The following SKI variants were observed in gnomAD, a reference collection of about 807,000 sequenced individuals.
SKI encodes ski oncogene.
SKI carries 23 observed loss-of-function variants against 59.3 expected under a neutral mutation model. That is an observed-to-expected ratio of 0.39 (90% confidence interval 0.28 to 0.55). SKI has a LOEUF of 0.55. SKI is among the 20% of genes least tolerant of loss of function. The probability of loss-of-function intolerance (pLI) is 0.67; values close to 1 mark genes in which losing one functional copy is unlikely to be tolerated. For missense variants in SKI, 1,017 were observed against 1,038.9 expected (o/e 0.98, Z 0.29); for synonymous variants, 673 against 488.6 (o/e 1.38, Z -4.98).
chr1:2,230,447 C>A lies in SKI; in HGVS notation c.969+712C>A, dbSNP rs1284691220. Among the ~76,000 whole-genome samples the A allele has an allele frequency of 4.6e-5, 7 of 152,322 alleles. No homozygotes were observed. The East Asian group carries it at 1.4e-3, about 29-fold the overall frequency. ...TGTGGGGTGAGGGCCATTTGGCACCCGGCTGAGGGGCCTGGTCAGCAGGCT... is the reference window on the plus strand; with the variant it reads ...TGTGGGGTGAGGGCCATTTGGCACCAGGCTGAGGGGCCTGGTCAGCAGGCT... On this transcript the variant is annotated intron_variant, in intron 1 of 6. Coordinates refer to ENST00000378536, the MANE Select transcript of SKI (RefSeq NM_003036.4).
chr1:2,234,687 G>C lies in SKI; in HGVS notation c.969+4952G>C, dbSNP rs1209479912. 2.0e-5 allele frequency among the ~76,000 whole-genome samples: 3 copies of C among 152,340 alleles called. No individual in the cohort carries two copies. In the East Asian group the frequency reaches 5.8e-4, roughly 29 times the overall value. Reference sequence around the variant, plus strand: ...CCACGCCGGCGGCCCGGCTCTCTGTGGCAATAATGTGTCTCTTTCTAAGGA... The same window carrying C: ...CCACGCCGGCGGCCCGGCTCTCTGTCGCAATAATGTGTCTCTTTCTAAGGA... On this transcript the variant is annotated intron_variant, in intron 1 of 6. Transcript: ENST00000378536.
intron 1 of SKI, among the ~76,000 whole-genome samples, chr1:2,260,362 G>C (rs1390785427): frequency 6.6e-6 from 1 of 152,058 alleles, no homozygotes; most frequent in Non-Finnish European, 1.5e-5. Context: ...TGGGTTTGTT[G>C]TTTTACTGTT....
At chr1:2,264,191 T>TG (rs1432805704) in intron 1 of SKI, among the ~76,000 whole-genome samples, 1 of 152,240 alleles carries the variant, frequency 6.6e-6, no homozygotes, top group Non-Finnish European at 1.5e-5. Context: ...TTTCTCCCTT[T>TG]GTTTCTGAAA....
intron 1 of SKI, among the ~76,000 whole-genome samples, chr1:2,275,736 T>A (rs1639727946): frequency 1.3e-5 from 2 of 152,282 alleles, no homozygotes; most frequent in South Asian, 4.1e-4. Context: ...ATGCTCTCGA[T>A]CTCCTGACCT....
intron 1 of SKI, among the ~76,000 whole-genome samples, chr1:2,260,444 C>T (rs1639360112): frequency 6.6e-6 from 1 of 151,858 alleles, no homozygotes; most frequent in African/African-American, 2.4e-5. Context: ...GACTTTGTCC[C>T]TGTCCATGGC....
intron 1 of SKI, among the ~76,000 whole-genome samples, chr1:2,278,965 G>A (rs1569796100): frequency 6.6e-6 from 1 of 152,294 alleles, no homozygotes; most frequent in East Asian, 1.9e-4. Flanking sequence ...GGACCCTGGC[G>A]TTGAAGTGCC....
rs565998742 is a variant in SKI at position 2,248,392 on chromosome 1, C to T, written c.969+18657C>T. Among the ~76,000 whole-genome samples the T allele has an allele frequency of 1.1e-4, 17 of 152,344 alleles. No homozygotes were observed. The East Asian group carries it at 2.1e-3, about 19-fold the overall frequency. ...TGGTGACCCGCTCTGCTCTTTTGTC[C>T]GGCTTTGTCCTAACTGTTGAATATT... On this transcript the variant is annotated intron_variant, in intron 1 of 6. Coordinates refer to ENST00000378536, the MANE Select transcript of SKI (RefSeq NM_003036.4).
chr1:2,303,645 T>C lies in SKI; in HGVS notation c.1212-195T>C. 1.3e-6 allele frequency: 1 copy of C among 775,376 alleles called. No individual in the cohort carries two copies. Among genetic ancestry groups the C allele is most frequent in the Non-Finnish European group, 2.1e-6 (1 of 483,212 alleles). 48.0% of individuals were successfully genotyped at this position (775,376 alleles called of 1,614,324 possible). On this transcript the variant is annotated intron_variant, in intron 3 of 6. Transcript: ENST00000378536. The surrounding 1 kb of genome is among the most constrained non-coding windows in gnomAD (Gnocchi z 5.6). Reference sequence around the variant, plus strand: ...GGCGCAGCTTCTTGATGTGTTGGCCTGTGTCTGGCCTTCGCAAGAGACCCA... The same window carrying C: ...GGCGCAGCTTCTTGATGTGTTGGCCCGTGTCTGGCCTTCGCAAGAGACCCA...
chr1:2,235,936 G>C (rs920367359), intron 1 of SKI, among the ~76,000 whole-genome samples: 7 of 152,138 alleles, frequency 4.6e-5, no homozygotes, highest in Admixed American at 1.3e-4. Context: ...TCTTTTGTTT[G>C]GGGGGAAACA....
At position 2,229,374 on chromosome 1, in the gene SKI, T is replaced by C; in HGVS notation, c.608T>C (p.Leu203Pro). ...TACCCGCCGCCCTGCAAGAAGGAGC[T>C]GGCCGCCAGCCTGGCGCTGGGCCTG... ...GAYPPPCKKE[L>P]AASLALGLEL... Residue 203 changes from leucine (L) to proline (P), a missense_variant, in exon 1 of 7, where the codon CTG becomes CCG. Physicochemically the swap from Leu to Pro is moderately conservative, Grantham distance 98. Coordinates refer to ENST00000378536, the MANE Select transcript of SKI (RefSeq NM_003036.4). The surrounding 1 kb of genome is among the most constrained non-coding windows in gnomAD (Gnocchi z 6.3). 6.2e-7 allele frequency: 1 copy of C among 1,601,764 alleles called. No homozygotes were observed. Among genetic ancestry groups the C allele is most frequent in the Non-Finnish European group, 8.5e-7 (1 of 1,174,420 alleles).
At chr1:2,237,016 A>G (rs1638762420) in intron 1 of SKI, among the ~76,000 whole-genome samples, 3 of 152,260 alleles carry the variant, frequency 2.0e-5, no homozygotes, top group South Asian at 2.1e-4. Flanking sequence ...AGGGGATGCC[A>G]TCACCCAAAT....
rs201087978 is a variant in SKI, at chr1:2,305,981, C to G, written c.1768-39C>G. 3.4e-6 allele frequency: 5 copies of G among 1,462,674 alleles called. No homozygotes were observed. In the African/African-American group the frequency reaches 7.0e-5, roughly 20 times the overall value. 90.6% of individuals were successfully genotyped at this position (1,462,674 alleles called of 1,614,324 possible). A position where few individuals can be genotyped will look rare whatever the true frequency, so the allele number is the denominator to read the frequency against. ...GGTCATGGTGAGGGGTGTGCTGGGA[C>G]CGGCTGGGCAGTGACCCCGAGCCGC... is the stretch of plus-strand genomic sequence containing the variant. On this transcript the variant is annotated intron_variant, in intron 5 of 6. Transcript: ENST00000378536.
chr1:2,302,782 C>G (rs781267449), intron 1 of SKI, among the ~76,000 whole-genome samples, 196 bp from the exon 2 acceptor site: 6 of 152,186 alleles, frequency 3.9e-5, no homozygotes, highest in African/African-American at 1.4e-4. Context: ...GTGCCTGTTG[C>G]GCGTGGCCTA....
intron 1 of SKI, among the ~76,000 whole-genome samples, chr1:2,272,125 C>A (rs1639636146): frequency 6.6e-6 from 1 of 152,200 alleles, no homozygotes; most frequent in Non-Finnish European, 1.5e-5. Flanking sequence ...AAGGTCACTG[C>A]CCCGATTTTT....
At chr1:2,296,531 G>T (rs1223860307) in intron 1 of SKI, among the ~76,000 whole-genome samples, 2 of 152,220 alleles carry the variant, frequency 1.3e-5, no homozygotes, top group East Asian at 3.8e-4. Flanking sequence ...CCTGTTTGGA[G>T]AAATGGCTAC....
chr1:2,242,764 C>T (rs1638906653), intron 1 of SKI, among the ~76,000 whole-genome samples: 1 of 152,216 alleles, frequency 6.6e-6, no homozygotes, highest in Non-Finnish European at 1.5e-5. Context: ...AAGTGATCCT[C>T]CTGCCTCAGC....
chr1:2,303,717 T>G lies in SKI; in HGVS notation c.1212-123T>G. 7.4e-7 allele frequency: 1 copy of G among 1,347,568 alleles called. No individual in the cohort carries two copies. The highest frequency in any genetic ancestry group is 1.0e-6 in the Non-Finnish European group (1 of 972,640). The allele number at this position is 1,347,568 out of a possible 1,614,324, so 83.5% of individuals were successfully genotyped here. On this transcript the variant is annotated intron_variant, in intron 3 of 6. Coordinates refer to ENST00000378536, the MANE Select transcript of SKI (RefSeq NM_003036.4). This position sits in a 1 kb window ranked among gnomAD's most constrained non-coding sequence, Gnocchi z 5.6. ...GTTCTTAGGGAACTGTAAGCTTGAC[T>G]TGAAGATTCGGAGCTGGGAAAGTCT...
chr1:2,251,103 G>A (rs1325638013), intron 1 of SKI, among the ~76,000 whole-genome samples: 1 of 152,154 alleles, frequency 6.6e-6, no homozygotes, highest in African/African-American at 2.4e-5. Context: ...GGCACTGACC[G>A]CACTCTTGGC....
chr1:2,231,774 C>T (rs1321584543), intron 1 of SKI, among the ~76,000 whole-genome samples: 3 of 152,230 alleles, frequency 2.0e-5, no homozygotes, highest in Non-Finnish European at 4.4e-5. Context: ...TGTTCACCAG[C>T]TCCTGCGGGT....
Sources: allele counts gnomAD v4.1 joint callset (sites outside exome capture counted in the v4.1 genomes callset), GRCh38; gene constraint gnomAD v4.1.1; non-coding constraint Gnocchi (gnomAD v3.1); transcripts MANE v1.5; gene names NCBI Gene and HGNC (gene_info 2026-07-23, HGNC 2026-07-21).